The following GRM8 variants were observed in gnomAD, a reference collection of about 807,000 sequenced individuals.
The protein encoded by GRM8 is metabotropic glutamate receptor 8.
In GRM8, 47 loss-of-function variants were observed where a neutral mutation model predicts 87.2. That is an observed-to-expected ratio of 0.54 (90% confidence interval 0.43 to 0.69). The LOEUF (loss-of-function observed/expected upper bound fraction) is 0.69. Among genes scored for constraint, GRM8 ranks in the 30% least tolerant of loss-of-function variants. The probability of loss-of-function intolerance (pLI) is 0.00; values close to 1 mark genes in which losing one functional copy is unlikely to be tolerated. For missense variants in GRM8, 1,019 were observed against 1,139.2 expected (o/e 0.89, Z 1.52); for synonymous variants, 396 against 404.5 (o/e 0.98, Z 0.25).
intron 8 of GRM8, among the ~76,000 whole-genome samples, chr7:126,538,155 CA>C (rs1249498840): frequency 6.6e-6 from 1 of 152,212 alleles, no homozygotes; most frequent in Non-Finnish European, 1.5e-5. Context: ...TGTAAGTCAT[CA>C]GCTGGTTTCT....
At chr7:126,520,362 T>C (rs1812798780) in intron 9 of GRM8, among the ~76,000 whole-genome samples, 1 of 151,684 alleles carries the variant, frequency 6.6e-6, no homozygotes, top group South Asian at 2.1e-4. Flanking sequence ...ACATTTGGGG[T>C]TTTAGATAGC....
chr7:126,843,548 C>G lies in GRM8; in HGVS notation c.1156+58994G>C, dbSNP rs768540812. On this transcript the variant is annotated intron_variant, in intron 6 of 10. Transcript: ENST00000339582. ...TGGCAAAGATACAGCTGAACACCCA[C>G]CAGCTGAAGCTGGGCTGTGATTGTT... Among the ~76,000 whole-genome samples, 9 of 152,364 alleles carry G rather than the reference C, an allele frequency of 5.9e-5. No homozygotes were observed. In the South Asian group the frequency reaches 1.9e-3, roughly 32 times the overall value.
intron 6 of GRM8, among the ~76,000 whole-genome samples, chr7:126,788,162 C>A (rs1402439420): frequency 1.3e-5 from 2 of 151,874 alleles, no homozygotes; most frequent in Admixed American, 6.6e-5. Context: ...GTAATCCCAG[C>A]ACTTTGGGAG....
intron 6 of GRM8, among the ~76,000 whole-genome samples, chr7:126,786,278 G>T (rs890044551): frequency 1.3e-5 from 2 of 152,126 alleles, no homozygotes; most frequent in Non-Finnish European, 2.9e-5. Flanking sequence ...CTATTTACCT[G>T]AGTACCTCTT....
rs144449488 is a variant in GRM8, at chr7:127,169,099, G to A, written c.511-62387C>T. Among the ~76,000 whole-genome samples the A allele has an allele frequency of 3.2e-4, 49 of 151,596 alleles. No homozygotes were observed. The East Asian group carries it at 9.1e-3, about 28-fold the overall frequency. On this transcript the variant is annotated intron_variant, in intron 2 of 10. Transcript: ENST00000339582. Reference sequence around the variant, plus strand: ...GCCAGGAAAAAAAAAAGCTAGAAATGAGGAAGCTTAATGAGGAAGGCAAAT... The same window carrying A: ...GCCAGGAAAAAAAAAAGCTAGAAATAAGGAAGCTTAATGAGGAAGGCAAAT...
intron 2 of GRM8, among the ~76,000 whole-genome samples, chr7:127,213,558 A>G (rs1462891090): frequency 6.6e-6 from 1 of 152,166 alleles, no homozygotes; most frequent in African/African-American, 2.4e-5. Context: ...ACTCCATTCT[A>G]CTGAGCTCTC....
At chr7:126,729,260 G>A (rs1031946056) in intron 7 of GRM8, among the ~76,000 whole-genome samples, 1 of 152,150 alleles carries the variant, frequency 6.6e-6, no homozygotes, top group Admixed American at 6.5e-5. Flanking sequence ...CACACTGCTA[G>A]TACCTGCAAT....
At chr7:126,546,112 C>G (rs1180384831) in intron 8 of GRM8, among the ~76,000 whole-genome samples, 1 of 152,072 alleles carries the variant, frequency 6.6e-6, no homozygotes, top group Non-Finnish European at 1.5e-5. Context: ...ACAAACAAAA[C>G]ATAAAGATGA....
intron 9 of GRM8, among the ~76,000 whole-genome samples, chr7:126,474,562 C>G (rs1251125905): frequency 1.3e-5 from 2 of 152,156 alleles, no homozygotes; most frequent in African/African-American, 4.8e-5. Context: ...CCATGCCCAA[C>G]CTACATGCAT....
At chr7:126,964,174 ATTAAAGAC>A (rs71522235) in intron 3 of GRM8, among the ~76,000 whole-genome samples, 14,844 of 152,224 alleles carry the variant, frequency 0.098, 937 homozygotes, top group Middle Eastern at 0.16. Flanking sequence ...CTCAAGATGG[ATTAAAGAC>A]TTAAATGTAA....
At position 126,896,688 on chromosome 7, in the gene GRM8, A is replaced by G. The variant is rs187022241; in HGVS notation, c.1156+5854T>C. Among the ~76,000 whole-genome samples, 177 of 152,232 alleles carry G rather than the reference A, an allele frequency of 1.2e-3. 1 individual carries two copies. In the South Asian group the frequency reaches 0.022, roughly 19 times the overall value. ...GGCTGCTATTTGGTTCACTGACAGGATTGCTTGTTTGTGGGAAGAAACATA... is the reference window on the plus strand; with the variant it reads ...GGCTGCTATTTGGTTCACTGACAGGGTTGCTTGTTTGTGGGAAGAAACATA... On this transcript the variant is annotated intron_variant, in intron 6 of 10. Coordinates refer to ENST00000339582, the MANE Select transcript of GRM8 (RefSeq NM_000845.3).
chr7:127,011,430 C>T (rs761346943), intron 3 of GRM8, among the ~76,000 whole-genome samples: 31 of 152,086 alleles, frequency 2.0e-4, no homozygotes, highest in Non-Finnish European at 3.8e-4. Flanking sequence ...CCAATTTTTA[C>T]TAAATTTATA....
intron 3 of GRM8, among the ~76,000 whole-genome samples, chr7:126,963,011 T>C (rs1809474358): frequency 1.3e-5 from 2 of 152,238 alleles, no homozygotes; most frequent in African/African-American, 4.8e-5. Context: ...ACATATACAT[T>C]ACCTGTGTTT....
chr7:126,819,297 C>CACACACACACACGT (rs1554501780), intron 6 of GRM8, among the ~76,000 whole-genome samples: 1 of 151,576 alleles, frequency 6.6e-6, no homozygotes, highest in South Asian at 2.1e-4. Flanking sequence ...CACACACACA[C>CACACACACACACGT]GTGCACGCGC....
intron 8 of GRM8, among the ~76,000 whole-genome samples, chr7:126,560,208 A>T (rs1157642979): frequency 6.6e-6 from 1 of 152,216 alleles, no homozygotes; most frequent in Non-Finnish European, 1.5e-5. Flanking sequence ...TATATCAGTG[A>T]TAATATAAGT....
chr7:126,926,592 T>C (rs562137668), intron 3 of GRM8, among the ~76,000 whole-genome samples: 59 of 152,330 alleles, frequency 3.9e-4, no homozygotes, highest in African/African-American at 1.3e-3. Context: ...TACTTCTCTG[T>C]TTAAATACTT....
intron 3 of GRM8, among the ~76,000 whole-genome samples, chr7:127,003,338 C>T (rs1263032602): frequency 1.3e-5 from 2 of 151,662 alleles, no homozygotes; most frequent in Non-Finnish European, 1.5e-5. Context: ...CACTTAGCTC[C>T]TAGAGAATGG....
chr7:126,800,663 T>G (rs955202041), intron 6 of GRM8, among the ~76,000 whole-genome samples: 3 of 152,058 alleles, frequency 2.0e-5, no homozygotes, highest in African/African-American at 7.2e-5. Flanking sequence ...AGCCAATAAT[T>G]TGGGGAGAAA....
intron 6 of GRM8, among the ~76,000 whole-genome samples, chr7:126,896,693 T>C (rs1801574361): frequency 6.6e-6 from 1 of 152,186 alleles, no homozygotes; most frequent in Non-Finnish European, 1.5e-5. Flanking sequence ...ACAGGATTGC[T>C]TGTTTGTGGG....
Sources: allele counts gnomAD v4.1 joint callset (sites outside exome capture counted in the v4.1 genomes callset), GRCh38; gene constraint gnomAD v4.1.1; transcripts MANE v1.5; gene names NCBI Gene and HGNC (gene_info 2026-07-23, HGNC 2026-07-21).